DOCK3: variants seen among roughly 807,000 people sequenced by gnomAD.
DOCK3 encodes the protein dedicator of cytokinesis 3, also known as dedicator of cytokinesis protein 3.
In DOCK3, 60 loss-of-function variants were observed where a neutral mutation model predicts 265.6. The ratio of observed to expected loss-of-function variants is 0.23; its 90% CI spans 0.18 to 0.28. The LOEUF (loss-of-function observed/expected upper bound fraction) is 0.28. Among genes scored for constraint, DOCK3 ranks in the 10% least tolerant of loss-of-function variants. DOCK3 has a pLI of 1.00. For missense variants in DOCK3, 1,981 were observed against 2,594.3 expected, an observed-to-expected ratio of 0.76 and a Z score of 5.14; for synonymous variants, 881 against 938.0, an observed-to-expected ratio of 0.94 and a Z score of 1.11.
At chr3:50,808,260 A>G (rs903438422) in intron 2 of DOCK3, among the ~76,000 whole-genome samples, 1 of 152,246 alleles carries the variant, frequency 6.6e-6, no homozygotes, top group African/African-American at 2.4e-5. Flanking sequence ...TTGAAAGACT[A>G]TCATAAAGAT....
At chr3:50,918,788 G>A (rs2050273002) in intron 4 of DOCK3, among the ~76,000 whole-genome samples, 1 of 152,088 alleles carries the variant, frequency 6.6e-6, no homozygotes, top group African/African-American at 2.4e-5. Context: ...GTCTATTTTG[G>A]CTTTTATTGC....
intron 37 of DOCK3, among the ~76,000 whole-genome samples, chr3:51,340,968 C>T (rs1308353717): frequency 6.6e-6 from 1 of 152,180 alleles, no homozygotes; most frequent in Admixed American, 6.5e-5. Context: ...GGTAGCTGAA[C>T]CATTCTTTAT....
intron 22 of DOCK3, among the ~76,000 whole-genome samples, chr3:51,247,627 C>G (rs980868706): frequency 7.2e-5 from 11 of 152,182 alleles, no homozygotes; most frequent in Non-Finnish European, 1.3e-4. Flanking sequence ...GGGGCAAAAT[C>G]AAATCATAGA....
chr3:51,189,935 G>A (rs558460979), intron 12 of DOCK3, among the ~76,000 whole-genome samples: 7 of 152,166 alleles, frequency 4.6e-5, no homozygotes, highest in Middle Eastern at 3.4e-3. Context: ...CACTCACACC[G>A]AGCTCACATG....
intron 1 of DOCK3, among the ~76,000 whole-genome samples, chr3:50,729,824 ATTTTTTT>A (rs60842906): frequency 1.4e-4 from 15 of 109,058 alleles, no homozygotes; most frequent in South Asian, 2.9e-4. Context: ...TCTGAATTTC[ATTTTTTT>A]TTTTTTTTTT....
chr3:51,038,975 G>C (rs550535593), intron 5 of DOCK3, among the ~76,000 whole-genome samples: 1 of 151,560 alleles, frequency 6.6e-6, no homozygotes, highest in Non-Finnish European at 1.5e-5. Context: ...GAATAATGTT[G>C]TATACATATT....
intron 9 of DOCK3, among the ~76,000 whole-genome samples, chr3:51,121,791 A>G (rs2084029122): frequency 6.6e-6 from 1 of 152,112 alleles, no homozygotes; most frequent in African/African-American, 2.4e-5. Context: ...ATCATTATTT[A>G]ATTCAGTCCC....
intron 5 of DOCK3, among the ~76,000 whole-genome samples, chr3:51,023,333 A>G (rs1011535279): frequency 5.3e-5 from 8 of 150,110 alleles, no homozygotes; most frequent in Non-Finnish European, 1.0e-4. Context: ...TTGTTCGTCT[A>G]TTGTTGAAAC....
At chr3:50,925,107 C>T (rs2050691792) in intron 4 of DOCK3, among the ~76,000 whole-genome samples, 1 of 152,044 alleles carries the variant, frequency 6.6e-6, no homozygotes, top group African/African-American at 2.4e-5. Flanking sequence ...ACTACCCTGC[C>T]TTTTATCTTA....
At chr3:51,322,066 G>A (rs967447937) in intron 32 of DOCK3, among the ~76,000 whole-genome samples, 17 of 152,186 alleles carry the variant, frequency 1.1e-4, no homozygotes, top group Non-Finnish European at 2.4e-4. Context: ...AAAATGTTAA[G>A]GGCAGCCAGA....
intron 22 of DOCK3, among the ~76,000 whole-genome samples, chr3:51,251,376 A>G (rs1033513391): frequency 6.6e-6 from 1 of 152,230 alleles, no homozygotes; most frequent in African/African-American, 2.4e-5. Context: ...TCCTTTGGGT[A>G]TATACCCAGT....
At chr3:50,969,510 G>C (rs960630705) in intron 5 of DOCK3, among the ~76,000 whole-genome samples, 3 of 152,118 alleles carry the variant, frequency 2.0e-5, no homozygotes, top group Admixed American at 6.5e-5. Context: ...TTTTGTTCCT[G>C]TCATAATGTT....
intron 11 of DOCK3, 105 bp downstream of exon 11, chr3:51,159,409 C>G (rs2107511441): frequency 9.6e-7 from 1 of 1,046,882 alleles, no homozygotes; most frequent in South Asian, 1.5e-5. Context: ...CCTGTAATTT[C>G]AGGTCTCAGG....
intron 5 of DOCK3, among the ~76,000 whole-genome samples, chr3:51,005,640 A>G (rs749935769): frequency 7.2e-5 from 11 of 152,200 alleles, no homozygotes; most frequent in Non-Finnish European, 1.3e-4. Context: ...TATAACTCCA[A>G]TCAAATGTTT....
chr3:50,935,232 C>T (rs1436630595), intron 5 of DOCK3, among the ~76,000 whole-genome samples: 1 of 152,156 alleles, frequency 6.6e-6, no homozygotes, highest in African/African-American at 2.4e-5. Flanking sequence ...TCTAAGAGAA[C>T]AGCACAATAA....
At chr3:51,302,134 A>G (rs1227369017) in intron 27 of DOCK3, among the ~76,000 whole-genome samples, 1 of 152,090 alleles carries the variant, frequency 6.6e-6, no homozygotes, top group African/African-American at 2.4e-5. Context: ...ATGCATATAT[A>G]TTTAGGATAG....
At chr3:50,777,994 T>C (rs2041702242) in intron 1 of DOCK3, among the ~76,000 whole-genome samples, 1 of 152,186 alleles carries the variant, frequency 6.6e-6, no homozygotes, top group Non-Finnish European at 1.5e-5. Context: ...GTTCCAGTTC[T>C]CAGGGGGAAT....
intron 12 of DOCK3, among the ~76,000 whole-genome samples, chr3:51,203,060 C>T (rs944166880): frequency 6.6e-6 from 1 of 152,212 alleles, no homozygotes; most frequent in African/African-American, 2.4e-5. Flanking sequence ...CAGCCAATAT[C>T]ATATTGAACG....
intron 2 of DOCK3, among the ~76,000 whole-genome samples, chr3:50,784,701 A>G (rs148820230): frequency 2.3e-3 from 347 of 152,260 alleles, no homozygotes; most frequent in Middle Eastern, 6.8e-3. Flanking sequence ...AGTGTTTTAT[A>G]GTTTTCCTTG....
Sources: allele counts gnomAD v4.1 joint callset (sites outside exome capture counted in the v4.1 genomes callset), GRCh38; gene constraint gnomAD v4.1.1; transcripts MANE v1.5; gene names NCBI Gene and HGNC (gene_info 2026-07-23, HGNC 2026-07-21).